CTNNA1: variants seen among roughly 807,000 people sequenced by gnomAD.
CTNNA1 encodes the protein catenin alpha-1.
CTNNA1 carries 37 observed loss-of-function variants against 98.4 expected under a neutral mutation model. The ratio of observed to expected loss-of-function variants is 0.38; its 90% CI spans 0.29 to 0.49. The LOEUF (loss-of-function observed/expected upper bound fraction) is 0.49. CTNNA1 is among the 20% of genes least tolerant of loss of function. The pLI is 0.95. For missense variants in CTNNA1, 761 were observed against 1,147.2 expected (o/e 0.66, Z 4.86); for synonymous variants, 404 against 413.2 (o/e 0.98, Z 0.27).
intron 1 of CTNNA1, among the ~76,000 whole-genome samples, chr5:138,777,719 A>G (rs12332276): frequency 0.74 from 111,699 of 150,668 alleles, 41,682 homozygotes; most frequent in East Asian, 0.99. Context: ...CCAGTCAGGC[A>G]TGGCGGTGCG....
chr5:138,877,838 A>C (rs1346139787), intron 7 of CTNNA1, among the ~76,000 whole-genome samples: 1 of 152,210 alleles, frequency 6.6e-6, no homozygotes, highest in African/African-American at 2.4e-5. Context: ...TTTGCCACGC[A>C]GGAGAAGCTG....
chr5:138,816,647 A>G lies in CTNNA1; in HGVS notation c.588+4345A>G, dbSNP rs1260670809. On this transcript the variant is annotated intron_variant, in intron 5 of 17. Coordinates refer to ENST00000302763, the MANE Select transcript of CTNNA1 (RefSeq NM_001903.5). ...GATTAGTGATGTTGAGGATCTTTCCATATACCTGTTGGTCATTTGTATGTC... is the reference window on the plus strand; with the variant it reads ...GATTAGTGATGTTGAGGATCTTTCCGTATACCTGTTGGTCATTTGTATGTC... Among the ~76,000 whole-genome samples, 8 of 151,544 alleles carry G rather than the reference A, an allele frequency of 5.3e-5. No homozygotes were observed. In the South Asian group the frequency reaches 1.3e-3, roughly 24 times the overall value.
At chr5:138,894,774 CA>C (rs1429545654) in intron 9 of CTNNA1, among the ~76,000 whole-genome samples, 1 of 152,150 alleles carries the variant, frequency 6.6e-6, no homozygotes, top group Non-Finnish European at 1.5e-5. Context: ...GATTCTCAAC[CA>C]TGGCCCCTAA....
rs182845762 is a variant in CTNNA1, at chr5:138,818,523, C to T, written c.589-6007C>T. On this transcript the variant is annotated intron_variant, in intron 5 of 17. Transcript: ENST00000302763. ...TGGCTTTTATAGAGACTTTCCCTTG[C>T]AGTTGGATTTTAGTGTGCTGGTTAG... Among the ~76,000 whole-genome samples, 71 of 152,214 alleles carry T rather than the reference C, an allele frequency of 4.7e-4. 1 individual carries two copies. Among genetic ancestry groups the T allele is most frequent in the Middle Eastern group, 6.8e-3 (2 of 294 alleles).
intron 7 of CTNNA1, chr5:138,872,836 A>C (rs1452568539): frequency 2.0e-6 from 1 of 510,790 alleles, no homozygotes; most frequent in Non-Finnish European, 3.4e-6. Context: ...TTAACACTTA[A>C]AATATGGTTT....
intron 1 of CTNNA1, among the ~76,000 whole-genome samples, chr5:138,778,650 G>T (rs1754687223): frequency 6.6e-6 from 1 of 151,986 alleles, no homozygotes; most frequent in African/African-American, 2.4e-5. Context: ...TTTGATTCTT[G>T]CCTGAGGCAA....
rs79801604 is a variant in CTNNA1 at position 138,826,145 on chromosome 5, C to T, written c.858+1346C>T. Among the ~76,000 whole-genome samples the T allele has an allele frequency of 4.8e-3, 734 of 152,218 alleles. 7 individuals carry two copies. Among genetic ancestry groups the T allele is most frequent in the Non-Finnish European group, 6.8e-3 (465 of 68,026 alleles). On this transcript the variant is annotated intron_variant, in intron 6 of 17. Coordinates refer to ENST00000302763, the MANE Select transcript of CTNNA1 (RefSeq NM_001903.5). ...TTGACCAGAGAAATCCTGTAATAACCTAACCTTACAAAAAATGATCAGCTA... is the reference window on the plus strand; with the variant it reads ...TTGACCAGAGAAATCCTGTAATAACTTAACCTTACAAAAAATGATCAGCTA...
chr5:138,914,562 T>C (rs1437801133), intron 10 of CTNNA1, among the ~76,000 whole-genome samples: 1 of 152,084 alleles, frequency 6.6e-6, no homozygotes, highest in African/African-American at 2.4e-5. Flanking sequence ...GAATCTATAA[T>C]TGACAGTCTG....
At chr5:138,778,406 CAG>C (rs985040029) in intron 1 of CTNNA1, among the ~76,000 whole-genome samples, 1 of 152,174 alleles carries the variant, frequency 6.6e-6, no homozygotes, top group African/African-American at 2.4e-5. Flanking sequence ...CGAAATAACA[CAG>C]AGGTGATGTT....
At chr5:138,779,270 C>T (rs1048192597) in intron 1 of CTNNA1, among the ~76,000 whole-genome samples, 1 of 152,138 alleles carries the variant, frequency 6.6e-6, no homozygotes, top group African/African-American at 2.4e-5. Flanking sequence ...TTTTCTAATT[C>T]TATTCTAGAT....
intron 3 of CTNNA1, among the ~76,000 whole-genome samples, chr5:138,803,967 C>G (rs190346110): frequency 6.6e-6 from 1 of 152,304 alleles, no homozygotes; most frequent in East Asian, 1.9e-4. Flanking sequence ...CATGAATGCT[C>G]TTGAAGATTG....
chr5:138,759,031 G>A (rs1752029643), intron 1 of CTNNA1, among the ~76,000 whole-genome samples: 1 of 152,190 alleles, frequency 6.6e-6, no homozygotes, highest in African/African-American at 2.4e-5. Context: ...TTGAACTCCT[G>A]ACCTCAGGTG....
rs145548822 is a variant in CTNNA1, at chr5:138,824,751, C to T, written c.810C>T (p.His270=). The change falls in exon 6 of 18, where the codon CAC becomes CAT. Residue 270 remains histidine (H), a synonymous_variant. Transcript: ENST00000302763. ...QATASDDASQ[H]QGGGGGELAY... ...CTGCCTCAGACGATGCCTCACAGCA[C>T]CAGGGTGGAGGAGGAGGAGAACTGG... 68 of 1,614,138 alleles carry T rather than the reference C, an allele frequency of 4.2e-5. No homozygotes were observed. The African/African-American group carries it at 7.3e-4, about 17-fold the overall frequency.
At chr5:138,858,596 T>TTTTCTTTTTCTTTTTCTTTTTC (rs71934008) in intron 7 of CTNNA1, among the ~76,000 whole-genome samples, 4 of 18,890 alleles carry the variant, frequency 2.1e-4, no homozygotes, top group African/African-American at 7.3e-4. Context: ...TTCTTTTTCT[T>TTTTCTTTTTCTTTTTCTTTTTC]TTTTTTTTTT....
At chr5:138,759,980 CTTTTTTTT>C (rs70982734) in intron 1 of CTNNA1, among the ~76,000 whole-genome samples, 680 of 61,230 alleles carry the variant, frequency 0.011, 4 homozygotes, top group Non-Finnish European at 0.015. Context: ...AATTTCTTTC[CTTTTTTTT>C]TTTTTTTTTT....
chr5:138,823,478 C>T (rs1418344879), intron 5 of CTNNA1, among the ~76,000 whole-genome samples: 5 of 152,214 alleles, frequency 3.3e-5, no homozygotes, highest in South Asian at 2.1e-4. Flanking sequence ...TACTGACCTG[C>T]GAACTGTTTA....
In CTNNA1 at chr5:138,934,951, C is replaced by T. The variant is rs1039203237; in HGVS notation, c.*862C>T. ...AACTACAAGGTATAATTTACTATCACCTTATTTAAATTTTATGAATTAATT... is the reference window on the plus strand; with the variant it reads ...AACTACAAGGTATAATTTACTATCATCTTATTTAAATTTTATGAATTAATT... On this transcript the variant is annotated 3_prime_UTR_variant, in exon 18 of 18. Transcript: ENST00000302763. The T allele has an allele frequency of 2.6e-5, 4 of 152,512 alleles. No individual in the cohort carries two copies. The highest frequency in any genetic ancestry group is 2.1e-4 in the South Asian group (1 of 4,822). The allele number at this position is 152,512 out of a possible 1,614,324, so 9.4% of individuals were successfully genotyped here. A position where few individuals can be genotyped will look rare whatever the true frequency, so the allele number is the denominator to read the frequency against.
chr5:138,879,099 A>G (rs1225775879), intron 7 of CTNNA1, among the ~76,000 whole-genome samples: 1 of 148,060 alleles, frequency 6.8e-6, no homozygotes, highest in Non-Finnish European at 1.5e-5. Flanking sequence ...AATCCTAGCT[A>G]CTCAGGAAGC....
At position 138,797,920 on chromosome 5, in the gene CTNNA1, G is replaced by GT. The variant is rs749589673; in HGVS notation, c.302-12117dup. Among the ~76,000 whole-genome samples, 4 of 151,960 alleles carry GT rather than the reference G, an allele frequency of 2.6e-5. No individual in the cohort carries two copies. The East Asian group carries it at 7.7e-4, about 29-fold the overall frequency. ...ATTTAAAAAAAGCAGTTGGAAAAAC[G>GT]TAAGGCACAGCAAGCTTTGGTTGTA... On this transcript the variant is annotated intron_variant, in intron 3 of 17. Transcript: ENST00000302763.
Sources: allele counts gnomAD v4.1 joint callset (sites outside exome capture counted in the v4.1 genomes callset), GRCh38; gene constraint gnomAD v4.1.1; transcripts MANE v1.5; gene names NCBI Gene and HGNC (gene_info 2026-07-23, HGNC 2026-07-21).